ADH6: variants seen among roughly 807,000 people sequenced by gnomAD.
ADH6 encodes the protein alcohol dehydrogenase 6 (class V), also known as alcohol dehydrogenase 6.
A neutral mutation model predicts 36.5 loss-of-function variants in ADH6; 34 were observed. That is an observed-to-expected ratio of 0.93 (90% CI 0.71 to 1.24). The LOEUF is 1.24. Among genes scored for constraint, ADH6 ranks in the 50% most tolerant of loss-of-function variants. ADH6 has a pLI of 0.00. For missense variants in ADH6, 440 were observed against 447.0 expected, an observed-to-expected ratio of 0.98 and a Z score of 0.14; for synonymous variants, 161 against 155.5, an observed-to-expected ratio of 1.04 and a Z score of -0.26.
rs2110553367 is a variant in ADH6, at chr4:99,213,661, A to G, written c.207T>C (p.His69=). 1 of 1,613,894 alleles carries G rather than the reference A, an allele frequency of 6.2e-7. No individual in the cohort carries two copies. Among genetic ancestry groups the G allele is most frequent in the Non-Finnish European group, 8.5e-7 (1 of 1,179,928 alleles). The change falls in exon 3 of 9, where the codon CAT becomes CAC. Residue 69 remains histidine, a synonymous_variant. Transcript: ENST00000394899. ...TACTCTCAACGATTCCAGCCCCTTC[A>G]TGGCCCAAGATGGTGGGATACAAGA... The part of the protein sequence containing the change: ...LDLLYPTILG[H]EGAGIVESIG...
chr4:99,210,098 G>A lies in ADH6; in HGVS notation c.551C>T (p.Ala184Val). ...SCGFSTGFGA[A>V]INTAKVTPGS... ...GCCCCTCACCTTGGCAGTATTGATT[G>A]CAGCACCAAACCCAGTGGAAAAGCC... Residue 184 changes from alanine (A) to valine (V), a missense_variant, in exon 5 of 9, where the codon GCA (alanine) becomes GTA (valine). Coordinates refer to ENST00000394899, the MANE Select transcript of ADH6 (RefSeq NM_001102470.2). 1 of 1,613,524 alleles carries A rather than the reference G, an allele frequency of 6.2e-7. No individual in the cohort carries two copies. Among genetic ancestry groups the A allele is most frequent in the Non-Finnish European group, 8.5e-7 (1 of 1,179,684 alleles).
intron 1 of ADH6, among the ~76,000 whole-genome samples, chr4:99,217,141 T>C (rs1731466074): frequency 6.6e-6 from 1 of 152,158 alleles, no homozygotes; most frequent in South Asian, 2.1e-4. Flanking sequence ...GTTCATGCCA[T>C]TCTCCTGCCT....
chr4:99,212,575 A>T (rs2110551749), intron 3 of ADH6, among the ~76,000 whole-genome samples: 1 of 152,130 alleles, frequency 6.6e-6, no homozygotes, highest in South Asian at 2.1e-4. Context: ...GATCTCAAAA[A>T]ACTTATTTTT....
At position 99,208,726 on chromosome 4, in the gene ADH6, T is replaced by G; in HGVS notation, c.770A>C (p.Asp257Ala). 1.2e-6 allele frequency: 2 copies of G among 1,613,854 alleles called. No individual in the cohort carries two copies. The highest frequency in any genetic ancestry group is 1.7e-6 in the Non-Finnish European group (2 of 1,179,790). Residue 257 changes from aspartate to alanine, a missense_variant, in exon 6 of 9, where the codon GAT becomes GCT. Transcript: ENST00000394899. ...LKKPIQEVLF[D>A]MTDAGIDFCF... ...GAAGTCTATACCAGCATCTGTCATA[T>G]CAAATAAAACTTCTTGAATGGGTTT...
intron 7 of ADH6, among the ~76,000 whole-genome samples, chr4:99,206,331 A>G (rs962897984): frequency 1.3e-5 from 2 of 152,124 alleles, no homozygotes; most frequent in Middle Eastern, 3.2e-3. Context: ...ATTTACATTA[A>G]TGATCACTAT....
At chr4:99,204,858 C>A in intron 8 of ADH6, 67 bp downstream of exon 8, 1 of 1,524,528 alleles carries the variant, frequency 6.6e-7, no homozygotes, top group South Asian at 1.3e-5. Flanking sequence ...TTCTTCTACT[C>A]CCAAGCCAAT....
intron 1 of ADH6, among the ~76,000 whole-genome samples, chr4:99,217,180 C>T (rs540184983): frequency 7.2e-5 from 11 of 152,226 alleles, no homozygotes; most frequent in African/African-American, 2.6e-4. Context: ...GGACTACAGG[C>T]GCCCACCACC....
chr4:99,208,528 C>T (rs3857224), intron 6 of ADH6, 140 bp downstream of exon 6: 343,649 of 919,136 alleles, frequency 0.37, 73,068 homozygotes, highest in East Asian at 0.89. Context: ...AGTACACAGA[C>T]GGCACCAGCT....
intron 1 of ADH6, among the ~76,000 whole-genome samples, chr4:99,217,295 C>T (rs532378273): frequency 4.9e-4 from 75 of 152,240 alleles, no homozygotes; most frequent in South Asian, 3.9e-3. Context: ...CTTGGCCTCC[C>T]AAAGTGCTGG....
chr4:99,218,252 C>T (rs940418040), intron 1 of ADH6, among the ~76,000 whole-genome samples: 3 of 152,108 alleles, frequency 2.0e-5, no homozygotes, highest in Admixed American at 6.6e-5. Context: ...CCCTCTGCTA[C>T]CTCTATTCAA....
intron 1 of ADH6, among the ~76,000 whole-genome samples, chr4:99,217,797 A>G (rs1374406197): frequency 6.6e-6 from 1 of 152,132 alleles, no homozygotes; most frequent in East Asian, 1.9e-4. Context: ...TGGCTGTTTC[A>G]GGGTAGGAAT....
rs1245480755 is a variant in ADH6 at position 99,204,833 on chromosome 4, C to T, written c.1103+92G>A. 9 of 1,479,934 alleles carry T rather than the reference C, an allele frequency of 6.1e-6. No individual in the cohort carries two copies. In the African/African-American group the frequency reaches 1.3e-4, roughly 21 times the overall value. The allele number at this position is 1,479,934 out of a possible 1,614,324, so 91.7% of individuals were successfully genotyped here. A position where few individuals can be genotyped will look rare whatever the true frequency, so the allele number is the denominator to read the frequency against. On this transcript the variant is annotated intron_variant, in intron 8 of 8. Transcript: ENST00000394899. ...TTCAATTATCAGTATACAGCTTCTG[C>T]AGCAGGGACGACCCTTCTTCTACTC...
At chr4:99,207,624 T>C in intron 6 of ADH6, 43 bp from the exon 7 acceptor site, 21 of 1,584,816 alleles carry the variant, frequency 1.3e-5, no homozygotes, top group Non-Finnish European at 1.8e-5. Flanking sequence ...TTAAAAGATG[T>C]ATGTGAGGAT....
chr4:99,210,766 A>T (rs1893881), intron 3 of ADH6, among the ~76,000 whole-genome samples: 1 of 152,128 alleles, frequency 6.6e-6, no homozygotes, highest in Non-Finnish European at 1.5e-5. Flanking sequence ...GCTCCTTTTC[A>T]AGTATGAAAT....
At chr4:99,207,974 CAG>C (rs2110545149) in intron 6 of ADH6, among the ~76,000 whole-genome samples, 1 of 152,100 alleles carries the variant, frequency 6.6e-6, no homozygotes, top group Admixed American at 6.5e-5. Flanking sequence ...AAGTGAGAAA[CAG>C]ATACCGTTAC....
chr4:99,209,377 T>A (rs987622495), intron 5 of ADH6, among the ~76,000 whole-genome samples: 2 of 152,148 alleles, frequency 1.3e-5, no homozygotes, highest in African/African-American at 2.4e-5. Context: ...GCTTTTTTTT[T>A]ATTGAGTACT....
At chr4:99,205,255 G>A (rs1730986403) in intron 7 of ADH6, among the ~76,000 whole-genome samples, 192 bp from the exon 8 acceptor site, 2 of 152,212 alleles carry the variant, frequency 1.3e-5, no homozygotes, top group South Asian at 2.1e-4. Context: ...TCCTAAAGGA[G>A]ACTTCTGGTA....
chr4:99,213,811 T>C, intron 2 of ADH6, 64 bp from the exon 3 acceptor site: 2 of 1,409,254 alleles, frequency 1.4e-6, no homozygotes, highest in Non-Finnish European at 1.9e-6. Context: ...TTAGAGTTGT[T>C]GACTGTAAGG....
intron 1 of ADH6, among the ~76,000 whole-genome samples, chr4:99,216,895 T>G (rs1346155677): frequency 6.6e-6 from 1 of 152,058 alleles, no homozygotes; most frequent in Admixed American, 6.6e-5. Context: ...TTTTGTTAAA[T>G]GTATATAATG....
Sources: allele counts gnomAD v4.1 joint callset (sites outside exome capture counted in the v4.1 genomes callset), GRCh38; gene constraint gnomAD v4.1.1; transcripts MANE v1.5; gene names NCBI Gene and HGNC (gene_info 2026-07-23, HGNC 2026-07-21).